CNTN3: variants seen among roughly 807,000 people sequenced by gnomAD.
CNTN3 encodes the protein contactin 3.
In CNTN3, 60 loss-of-function variants were observed where a neutral mutation model predicts 119.1. The observed-to-expected ratio is 0.50, with a 90% CI of 0.41 to 0.62. The LOEUF is 0.62. Ranked by LOEUF, CNTN3 falls within the 20% of genes least tolerant of loss-of-function variation. CNTN3 has a pLI of 0.00. For missense variants in CNTN3, 1,101 were observed against 1,242.4 expected, an observed-to-expected ratio of 0.89 and a Z score of 1.71; for synonymous variants, 450 against 438.7, an observed-to-expected ratio of 1.03 and a Z score of -0.32.
chr3:74,399,004 C>A (rs184901515), intron 5 of CNTN3, among the ~76,000 whole-genome samples: 2 of 152,270 alleles, frequency 1.3e-5, no homozygotes, highest in East Asian at 1.9e-4. Flanking sequence ...AAACATTTAT[C>A]ATTTCTTTCA....
intron 4 of CNTN3, among the ~76,000 whole-genome samples, chr3:74,484,547 T>A (rs1453858163): frequency 6.6e-6 from 1 of 152,104 alleles, no homozygotes; most frequent in Non-Finnish European, 1.5e-5. Context: ...GTATACAAAA[T>A]GTATAAGTAC....
intron 1 of CNTN3, among the ~76,000 whole-genome samples, chr3:74,555,892 C>T (rs10222581): frequency 0.99 from 150,386 of 152,254 alleles, 74,282 homozygotes; most frequent in Middle Eastern, 1. Flanking sequence ...GAAGGTCAAC[C>T]TCTTTCCTTT....
At chr3:74,524,880 T>C (rs1703593861) in intron 1 of CNTN3, among the ~76,000 whole-genome samples, 2 of 151,812 alleles carry the variant, frequency 1.3e-5, no homozygotes, top group South Asian at 4.1e-4. Flanking sequence ...GCTTAGGTGC[T>C]CATGGTATGT....
chr3:74,538,273 CTGTT>C (rs766706729), intron 1 of CNTN3, among the ~76,000 whole-genome samples: 9 of 152,082 alleles, frequency 5.9e-5, no homozygotes, highest in Non-Finnish European at 1.0e-4. Context: ...TAATTAGTAA[CTGTT>C]TGTGAAACAC....
chr3:74,484,833 T>G (rs1229828849), intron 4 of CNTN3, among the ~76,000 whole-genome samples: 2 of 152,174 alleles, frequency 1.3e-5, no homozygotes, highest in Non-Finnish European at 2.9e-5. Context: ...ACTCAACATT[T>G]ATTATCAACC....
At chr3:74,457,691 T>C (rs1702296193) in intron 4 of CNTN3, among the ~76,000 whole-genome samples, 1 of 151,908 alleles carries the variant, frequency 6.6e-6, no homozygotes, top group Non-Finnish European at 1.5e-5. Flanking sequence ...TCAGCATCTA[T>C]AAATGAAGTC....
chr3:74,554,023 T>C (rs1482606217), intron 1 of CNTN3, among the ~76,000 whole-genome samples: 1 of 152,196 alleles, frequency 6.6e-6, no homozygotes, highest in African/African-American at 2.4e-5. Flanking sequence ...ATTGCACAGA[T>C]TTTCTTCTAG....
At chr3:74,549,430 G>A (rs900473950) in intron 1 of CNTN3, among the ~76,000 whole-genome samples, 4 of 152,280 alleles carry the variant, frequency 2.6e-5, no homozygotes, top group South Asian at 4.1e-4. Context: ...AGCAGTGGGA[G>A]AATGGACTGA....
intron 13 of CNTN3, among the ~76,000 whole-genome samples, chr3:74,306,162 A>G (rs1262443050): frequency 6.7e-6 from 1 of 150,004 alleles, no homozygotes; most frequent in Non-Finnish European, 1.5e-5. Flanking sequence ...ATTGTTAGAG[A>G]ATATAGTTAG....
intron 1 of CNTN3, among the ~76,000 whole-genome samples, chr3:74,603,672 A>G (rs567684331): frequency 6.6e-6 from 1 of 152,276 alleles, no homozygotes; most frequent in Non-Finnish European, 1.5e-5. Context: ...GGAAGAAGAT[A>G]CAAATAAATG....
At chr3:74,317,159 C>T (rs1702850549) in intron 13 of CNTN3, among the ~76,000 whole-genome samples, 2 of 135,552 alleles carry the variant, frequency 1.5e-5, no homozygotes, top group South Asian at 6.0e-4. Flanking sequence ...GGATTGCAAC[C>T]CCTGCCTTTT....
intron 1 of CNTN3, among the ~76,000 whole-genome samples, chr3:74,595,925 G>T: frequency 6.6e-6 from 1 of 152,040 alleles, no homozygotes; most frequent in South Asian, 2.1e-4. Flanking sequence ...CGACATGATA[G>T]TATATCTAGA....
intron 11 of CNTN3, among the ~76,000 whole-genome samples, chr3:74,349,640 C>G (rs1003618812): frequency 1.3e-5 from 2 of 152,132 alleles, no homozygotes; most frequent in African/African-American, 4.8e-5. Context: ...TCCTTTTCCC[C>G]CATCTTAAAA....
At position 74,580,218 on chromosome 3, in the gene CNTN3, A is replaced by C. The variant is rs1032665593; in HGVS notation, c.-81+34173T>G. On this transcript the variant is annotated intron_variant, in intron 1 of 22. Coordinates refer to ENST00000263665, the MANE Select transcript of CNTN3 (RefSeq NM_020872.3). Reference sequence around the variant, plus strand: ...CTAGGTAAAGTAGAACATCAAAATAAATTTTATCTATTAAAGAAATTAAAC... The same window carrying C: ...CTAGGTAAAGTAGAACATCAAAATACATTTTATCTATTAAAGAAATTAAAC... 1.1e-4 allele frequency among the ~76,000 whole-genome samples: 16 copies of C among 152,338 alleles called. No homozygotes were observed. The East Asian group carries it at 1.9e-3, about 18-fold the overall frequency.
intron 13 of CNTN3, among the ~76,000 whole-genome samples, chr3:74,321,107 G>A (rs549581747): frequency 1.1e-3 from 168 of 152,132 alleles, no homozygotes; most frequent in Middle Eastern, 3.4e-3. Context: ...ATACATATAA[G>A]AACAATAAAC....
At chr3:74,577,082 C>A (rs1213683823) in intron 1 of CNTN3, among the ~76,000 whole-genome samples, 1 of 152,112 alleles carries the variant, frequency 6.6e-6, no homozygotes, top group African/African-American at 2.4e-5. Flanking sequence ...GAAAACAAAA[C>A]ACATACCTCT....
intron 1 of CNTN3, among the ~76,000 whole-genome samples, chr3:74,593,512 G>A (rs1043933707): frequency 6.6e-6 from 1 of 151,944 alleles, no homozygotes; most frequent in Non-Finnish European, 1.5e-5. Context: ...TGCTCATATG[G>A]AGGGAAATGA....
rs1447965554 is a variant in CNTN3, at chr3:74,563,615, C to A, written c.-80-42423G>T. Among the ~76,000 whole-genome samples the A allele has an allele frequency of 3.3e-5, 5 of 152,164 alleles. No homozygotes were observed. The South Asian group carries it at 6.2e-4, about 19-fold the overall frequency. ...TGCCAGAAACCTGTTTTCCTAGGCT[C>A]CCTTGCAGCTATGGTATAGCACATG... On this transcript the variant is annotated intron_variant, in intron 1 of 22. Coordinates refer to ENST00000263665, the MANE Select transcript of CNTN3 (RefSeq NM_020872.3).
intron 1 of CNTN3, among the ~76,000 whole-genome samples, chr3:74,570,481 G>A (rs900419993): frequency 2.9e-5 from 4 of 137,728 alleles, no homozygotes; most frequent in Non-Finnish European, 6.1e-5. Flanking sequence ...TGGCTCTCTC[G>A]CAACATTAAA....
Sources: allele counts gnomAD v4.1 joint callset (sites outside exome capture counted in the v4.1 genomes callset), GRCh38; gene constraint gnomAD v4.1.1; transcripts MANE v1.5; gene names NCBI Gene and HGNC (gene_info 2026-07-23, HGNC 2026-07-21).